PPP3R1: variants seen among roughly 807,000 people sequenced by gnomAD.
PPP3R1 encodes the protein protein phosphatase 3 regulatory subunit B, alpha, also known as calcineurin subunit B type 1.
PPP3R1 carries 5 observed loss-of-function variants against 22.6 expected under a neutral mutation model. The observed-to-expected ratio is 0.22, with a 90% confidence interval of 0.12 to 0.46. The LOEUF (loss-of-function observed/expected upper bound fraction) is 0.46. PPP3R1 is among the 20% of genes least tolerant of loss of function. The probability of loss-of-function intolerance (pLI) is 0.99; values close to 1 mark genes in which losing one functional copy is unlikely to be tolerated. For synonymous variants in PPP3R1, 56 were observed against 65.2 expected (o/e 0.86, Z 0.68); for missense variants, 61 against 203.2 (o/e 0.30, Z 4.25).
chr2:68,220,885 T>C (rs1003381144), intron 1 of PPP3R1, among the ~76,000 whole-genome samples: 1 of 152,068 alleles, frequency 6.6e-6, no homozygotes, highest in Non-Finnish European at 1.5e-5. Context: ...TGGGTGCCAG[T>C]TGCTGGGGGA....
chr2:68,193,486 T>C (rs1436655024), intron 2 of PPP3R1, among the ~76,000 whole-genome samples: 1 of 152,072 alleles, frequency 6.6e-6, no homozygotes, highest in Non-Finnish European at 1.5e-5. Context: ...CATACCTAAA[T>C]ATCCAGAATA....
At chr2:68,223,876 A>C (rs541187352) in intron 1 of PPP3R1, among the ~76,000 whole-genome samples, 8 of 152,126 alleles carry the variant, frequency 5.3e-5, no homozygotes, top group African/African-American at 1.9e-4. Flanking sequence ...AGATGACATA[A>C]TTGTGTATGT....
intron 1 of PPP3R1, 91 bp from the exon 2 acceptor site, chr2:68,217,222 G>T: frequency 1.2e-6 from 1 of 847,008 alleles, no homozygotes; most frequent in Non-Finnish European, 1.9e-6. Context: ...AAAAACATAG[G>T]GAAATAAGCC....
At chr2:68,215,207 T>C (rs1438236494) in intron 2 of PPP3R1, among the ~76,000 whole-genome samples, 1 of 151,976 alleles carries the variant, frequency 6.6e-6, no homozygotes, top group African/African-American at 2.4e-5. Flanking sequence ...GATGGCAAAA[T>C]GATCTGTGTA....
At chr2:68,211,363 C>T (rs1249683234) in intron 2 of PPP3R1, among the ~76,000 whole-genome samples, 4 of 140,240 alleles carry the variant, frequency 2.9e-5, no homozygotes, top group South Asian at 2.4e-4. Flanking sequence ...GCCAAGATTG[C>T]GCCACTGCAC....
intron 2 of PPP3R1, among the ~76,000 whole-genome samples, chr2:68,195,145 G>A (rs1391385519): frequency 6.6e-6 from 1 of 152,094 alleles, no homozygotes; most frequent in Admixed American, 6.6e-5. Context: ...ACTTGGCTGA[G>A]GGGTATTCAA....
chr2:68,185,436 CTTATATTTATA>C (rs953543051), intron 5 of PPP3R1, among the ~76,000 whole-genome samples: 30 of 130,302 alleles, frequency 2.3e-4, no homozygotes, highest in African/African-American at 6.6e-4. Flanking sequence ...ATTTATATTT[CTTATATTTATA>C]TTATATTTAT....
Position 68,252,501 on chromosome 2 carries a change from G to A in PPP3R1, c.-374C>T. The A allele has an allele frequency of 1.0e-6, 1 of 973,722 alleles. No individual in the cohort carries two copies. 60.3% of individuals were successfully genotyped at this position (973,722 alleles called of 1,614,324 possible). ...CCGGAGCCGTGACGGACTCACTGCA[G>A]CGGCTCGCGCTGACCCGCAACCTCA... is the stretch of plus-strand genomic sequence containing the variant. On this transcript the variant is annotated 5_prime_UTR_variant, in exon 1 of 6. Transcript: ENST00000234310.
Position 68,180,933 on chromosome 2 carries a change from A to G in PPP3R1, c.*30T>C, listed in dbSNP as rs764476662. The G allele has an allele frequency of 3.1e-6, 5 of 1,599,108 alleles. No homozygotes were observed. Among genetic ancestry groups the G allele is most frequent in the Non-Finnish European group, 4.3e-6 (5 of 1,166,810 alleles). ...ATCTTCAGAGATGGAGAAGAAAGCA[A>G]AAGTGTTGGGTGGTACTCTCTGATA... On this transcript the variant is annotated 3_prime_UTR_variant, in exon 6 of 6. Coordinates refer to ENST00000234310, the MANE Select transcript of PPP3R1 (RefSeq NM_000945.4).
At chr2:68,188,305 C>T (rs760149014) in intron 3 of PPP3R1, among the ~76,000 whole-genome samples, 87 of 151,900 alleles carry the variant, frequency 5.7e-4, no homozygotes, top group Non-Finnish European at 1.0e-3. Context: ...GGTAGATTAT[C>T]CTAAAGAATG....
intron 1 of PPP3R1, among the ~76,000 whole-genome samples, chr2:68,231,288 T>G (rs6730444): frequency 0.74 from 113,113 of 151,830 alleles, 43,170 homozygotes; most frequent in African/African-American, 0.93. Flanking sequence ...TACTGTATTG[T>G]TTATTATATT....
intron 2 of PPP3R1, among the ~76,000 whole-genome samples, chr2:68,191,921 C>A (rs1674675977): frequency 1.3e-5 from 2 of 152,172 alleles, no homozygotes; most frequent in South Asian, 4.1e-4. Flanking sequence ...AATGAAAGTC[C>A]TACAAATGCT....
At chr2:68,225,769 A>G (rs1400393318) in intron 1 of PPP3R1, among the ~76,000 whole-genome samples, 1 of 152,234 alleles carries the variant, frequency 6.6e-6, no homozygotes, top group Non-Finnish European at 1.5e-5. Context: ...TGAAAATTTT[A>G]TATCTTGCTA....
chr2:68,179,496 C>T lies in PPP3R1; in HGVS notation c.*1467G>A, dbSNP rs1049619311. The T allele has an allele frequency of 6.6e-6, 1 of 152,372 alleles. No homozygotes were observed. The highest frequency in any genetic ancestry group is 2.4e-5 in the African/African-American group (1 of 41,450). 9.4% of individuals were successfully genotyped at this position (152,372 alleles called of 1,614,324 possible). The stretch of plus-strand genomic sequence containing the variant: ...AACAGCGATGGCAGGCAGGTGTGCT[C>T]AATTTCAGATTGATTCACCTTGATT... On this transcript the variant is annotated 3_prime_UTR_variant, in exon 6 of 6. Transcript: ENST00000234310.
At chr2:68,191,580 C>T (rs1674669932) in intron 2 of PPP3R1, among the ~76,000 whole-genome samples, 1 of 152,150 alleles carries the variant, frequency 6.6e-6, no homozygotes, top group Non-Finnish European at 1.5e-5. Context: ...ACTAATGATG[C>T]ATTACTCAAT....
At chr2:68,197,152 T>C (rs1358880300) in intron 2 of PPP3R1, among the ~76,000 whole-genome samples, 1 of 152,204 alleles carries the variant, frequency 6.6e-6, no homozygotes, top group African/African-American at 2.4e-5. Flanking sequence ...ACCATCAAGA[T>C]AAAAGAACAT....
At chr2:68,236,071 T>C (rs1368934316) in intron 1 of PPP3R1, among the ~76,000 whole-genome samples, 1 of 133,630 alleles carries the variant, frequency 7.5e-6, no homozygotes, top group Admixed American at 7.9e-5. Flanking sequence ...TGTTTATATA[T>C]CCTGAATAGA....
intron 2 of PPP3R1, among the ~76,000 whole-genome samples, chr2:68,204,357 T>TATATATATTCTG (rs1458838115): frequency 6.6e-6 from 1 of 150,854 alleles, no homozygotes; most frequent in African/African-American, 2.4e-5. Context: ...TATTCTGATA[T>TATATATATTCTG]ATATATATCA....
chr2:68,193,317 A>T (rs965445911), intron 2 of PPP3R1, among the ~76,000 whole-genome samples: 2 of 152,132 alleles, frequency 1.3e-5, no homozygotes, highest in Non-Finnish European at 2.9e-5. Context: ...TGAGCTAAGA[A>T]GCCAGTGCAG....
Sources: allele counts gnomAD v4.1 joint callset (sites outside exome capture counted in the v4.1 genomes callset), GRCh38; gene constraint gnomAD v4.1.1; transcripts MANE v1.5; gene names NCBI Gene and HGNC (gene_info 2026-07-23, HGNC 2026-07-21).